DLG2: variants seen among roughly 807,000 people sequenced by gnomAD.
DLG2 encodes the protein disks large homolog 2.
DLG2 carries 45 observed loss-of-function variants against 132.5 expected under a neutral mutation model. That is an observed-to-expected ratio of 0.34 (90% CI 0.27 to 0.44). The LOEUF (loss-of-function observed/expected upper bound fraction) is 0.44, where lower values mean the gene tolerates loss of function less well. Among genes scored for constraint, DLG2 ranks in the 20% least tolerant of loss-of-function variants. The probability of loss-of-function intolerance (pLI) is 1.00; values close to 1 mark genes in which losing one functional copy is unlikely to be tolerated. For missense variants in DLG2, 1,045 were observed against 1,196.9 expected (o/e 0.87, Z 1.87); for synonymous variants, 424 against 419.6 (o/e 1.01, Z -0.13).
At chr11:84,835,105 C>T (rs76274919) in intron 6 of DLG2, among the ~76,000 whole-genome samples, 6,271 of 151,618 alleles carry the variant, frequency 0.041, 202 homozygotes, top group African/African-American at 0.08. Flanking sequence ...AAAACAGAAA[C>T]ACTGAAGATA....
intron 7 of DLG2, among the ~76,000 whole-genome samples, chr11:84,281,115 T>C (rs534506653): frequency 8.2e-4 from 125 of 152,234 alleles, no homozygotes; most frequent in Admixed American, 1.6e-3. Context: ...GTTATCCATA[T>C]GCAAAACAAC....
chr11:85,521,439 C>A (rs1224237623), intron 3 of DLG2, among the ~76,000 whole-genome samples: 1 of 152,174 alleles, frequency 6.6e-6, no homozygotes, highest in Non-Finnish European at 1.5e-5. Context: ...AACTTCTTTC[C>A]TTTATAAATT....
intron 7 of DLG2, among the ~76,000 whole-genome samples, chr11:84,311,485 T>C (rs567341956): frequency 4.7e-4 from 71 of 152,344 alleles, no homozygotes; most frequent in Non-Finnish European, 7.6e-4. Context: ...ACAGAGCTAG[T>C]AAATTCAAAT....
chr11:84,387,391 T>G (rs1392813689), intron 7 of DLG2, among the ~76,000 whole-genome samples: 1 of 151,990 alleles, frequency 6.6e-6, no homozygotes, highest in Non-Finnish European at 1.5e-5. Flanking sequence ...TTATATAGAA[T>G]TTATAATTAT....
intron 16 of DLG2, among the ~76,000 whole-genome samples, chr11:83,869,391 T>G (rs1309092624): frequency 2.6e-5 from 4 of 152,174 alleles, no homozygotes; most frequent in Non-Finnish European, 5.9e-5. Flanking sequence ...TGTTTCCAGA[T>G]GTTCCTTGGA....
Position 85,399,437 on chromosome 11 carries a change from G to T in DLG2, c.41-114072C>A, listed in dbSNP as rs1282540750. Among the ~76,000 whole-genome samples the T allele has an allele frequency of 7.9e-5, 12 of 152,164 alleles. No individual in the cohort carries two copies. In the South Asian group the frequency reaches 2.5e-3, roughly 32 times the overall value. On this transcript the variant is annotated intron_variant, in intron 3 of 27. Transcript: ENST00000376104. ...CAGAATTGGAAAAAACTATTTTAAA[G>T]TTCATATGGAACCAAAAAAGAGCCC...
Position 85,066,298 on chromosome 11 carries a change from A to G in DLG2, c.357+45363T>C, listed in dbSNP as rs370470135. On this transcript the variant is annotated intron_variant, in intron 6 of 27. Transcript: ENST00000376104. ...CAAGAGCCAGTAGTGAAATTAAATTAGCAATAAAAAACTCCCCTCCCAAAA... is the reference window on the plus strand; with the variant it reads ...CAAGAGCCAGTAGTGAAATTAAATTGGCAATAAAAAACTCCCCTCCCAAAA... Among the ~76,000 whole-genome samples the G allele has an allele frequency of 3.3e-5, 5 of 151,746 alleles. No individual in the cohort carries two copies. The South Asian group carries it at 1.0e-3, about 31-fold the overall frequency.
Position 83,746,990 on chromosome 11 carries a change from T to C in DLG2, c.1825+39700A>G, listed in dbSNP as rs142245610. On this transcript the variant is annotated intron_variant, in intron 18 of 27. Coordinates refer to ENST00000376104, the MANE Select transcript of DLG2 (RefSeq NM_001142699.3). The stretch of plus-strand genomic sequence containing the variant: ...ACCTTTGTATGTATGAATGCGTCAA[T>C]ACCAAATGGTACTGATTTAATTTTC... 2.5e-3 allele frequency among the ~76,000 whole-genome samples: 378 copies of C among 152,306 alleles called. 2 individuals are homozygous for C. Among genetic ancestry groups the C allele is most frequent in the South Asian group, 8.9e-3 (43 of 4,826 alleles).
intron 18 of DLG2, among the ~76,000 whole-genome samples, chr11:83,776,386 AC>A (rs766631637): frequency 1.5e-3 from 225 of 152,254 alleles, no homozygotes; most frequent in Non-Finnish European, 2.8e-3. Context: ...TGTGATGTGA[AC>A]ATAGCTCACT....
At chr11:85,620,941 C>G (rs1433533359) in intron 2 of DLG2, among the ~76,000 whole-genome samples, 1 of 152,176 alleles carries the variant, frequency 6.6e-6, no homozygotes, top group Non-Finnish European at 1.5e-5. Flanking sequence ...AGCCTTACAT[C>G]AGAAGAAAAT....
intron 6 of DLG2, chr11:84,923,017 A>G: frequency 6.2e-7 from 1 of 1,605,634 alleles, no homozygotes; most frequent in Non-Finnish European, 8.5e-7. Flanking sequence ...CAAGGTAGAC[A>G]TTTTCTGCAG....
intron 6 of DLG2, among the ~76,000 whole-genome samples, chr11:85,100,005 C>T (rs189548396): frequency 8.4e-4 from 128 of 152,198 alleles, no homozygotes; most frequent in African/African-American, 2.8e-3. Flanking sequence ...CAAAACCAAA[C>T]GTACCAATGG....
At chr11:85,122,969 ATTT>A (rs1175644391) in intron 5 of DLG2, among the ~76,000 whole-genome samples, 1 of 86,894 alleles carries the variant, frequency 1.2e-5, no homozygotes, top group Non-Finnish European at 2.1e-5. Context: ...ATATATATAT[ATTT>A]TTTTTTTTTT....
chr11:85,434,705 C>T lies in DLG2; in HGVS notation c.41-149340G>A, dbSNP rs1332260070. On this transcript the variant is annotated intron_variant, in intron 3 of 27. Transcript: ENST00000376104. ...AAATAGCCTACCAACCAAAAAAAGC[C>T]CAGGATCAGATTGATTCCCAGCCAA... is the stretch of plus-strand genomic sequence containing the variant. Among the ~76,000 whole-genome samples the T allele has an allele frequency of 2.0e-5, 3 of 152,040 alleles. No homozygotes were observed. In the East Asian group the frequency reaches 5.8e-4, roughly 29 times the overall value.
At chr11:83,524,571 C>T (rs1350506605) in intron 21 of DLG2, among the ~76,000 whole-genome samples, 1 of 152,142 alleles carries the variant, frequency 6.6e-6, no homozygotes, top group Non-Finnish European at 1.5e-5. Context: ...AAATTTATTT[C>T]ACACCACAGC....
intron 11 of DLG2, among the ~76,000 whole-genome samples, chr11:84,044,012 C>T (rs2096174605): frequency 1.3e-5 from 2 of 151,374 alleles, no homozygotes; most frequent in South Asian, 4.2e-4. Context: ...TCCTTTGCTC[C>T]CTCCCTCTCT....
chr11:85,468,219 T>G (rs562193152), intron 3 of DLG2, among the ~76,000 whole-genome samples: 2 of 152,302 alleles, frequency 1.3e-5, no homozygotes, highest in Admixed American at 1.3e-4. Flanking sequence ...TTTATTAGTC[T>G]TGCTAGCAGG....
chr11:85,133,683 T>C (rs901502113), intron 5 of DLG2, among the ~76,000 whole-genome samples: 1 of 152,134 alleles, frequency 6.6e-6, no homozygotes, highest in African/African-American at 2.4e-5. Flanking sequence ...TTCTAAAGTG[T>C]TTACAAAACT....
intron 18 of DLG2, among the ~76,000 whole-genome samples, chr11:83,664,976 T>C (rs566189526): frequency 4.6e-5 from 7 of 152,348 alleles, no homozygotes; most frequent in Middle Eastern, 3.4e-3. Flanking sequence ...TGAAAATTTC[T>C]CAGTATCTAG....
Sources: gnomAD v4.1 joint callset for allele counts (sites outside exome capture counted in the v4.1 genomes callset) on GRCh38, gnomAD v4.1.1 for gene constraint, MANE v1.5 for transcripts, NCBI Gene and HGNC (gene_info 2026-07-23, HGNC 2026-07-21) for gene names.